Variants in CFAP299 observed in about 807,000 individuals in gnomAD.
CFAP299 encodes cilia- and flagella-associated protein 299.
CFAP299 carries 21 observed loss-of-function variants against 27.0 expected under a neutral mutation model. The observed-to-expected ratio is 0.78, with a 90% CI of 0.55 to 1.12. The LOEUF is 1.12. Among genes scored for constraint, CFAP299 ranks in the 50% most tolerant of loss-of-function variants. The pLI, the probability that CFAP299 is intolerant of heterozygous loss-of-function variation, is 0.00. For missense variants in CFAP299, 310 were observed against 276.6 expected (o/e 1.12, Z -0.86); for synonymous variants, 104 against 98.1 (o/e 1.06, Z -0.36).
intron 3 of CFAP299, among the ~76,000 whole-genome samples, chr4:80,611,066 G>A (rs551977040): frequency 6.6e-6 from 1 of 152,176 alleles, no homozygotes; most frequent in African/African-American, 2.4e-5. Flanking sequence ...AGACAGTCAT[G>A]TTATTCCTGT....
At chr4:80,778,418 G>A (rs989331739) in intron 3 of CFAP299, among the ~76,000 whole-genome samples, 25 of 152,254 alleles carry the variant, frequency 1.6e-4, no homozygotes, top group South Asian at 4.1e-4. Context: ...CCCTCAACTA[G>A]ATGTTATTGT....
intron 1 of CFAP299, among the ~76,000 whole-genome samples, chr4:80,358,849 G>C (rs1371618540): frequency 1.3e-5 from 2 of 152,120 alleles, no homozygotes; most frequent in African/African-American, 2.4e-5. Flanking sequence ...GTGTGGATTT[G>C]ATCCTGTCAC....
chr4:80,384,666 G>A (rs1460416267), intron 2 of CFAP299, among the ~76,000 whole-genome samples: 2 of 151,888 alleles, frequency 1.3e-5, no homozygotes, highest in Non-Finnish European at 2.9e-5. Context: ...ATTGAAGGAA[G>A]GAAGGAAATT....
At chr4:80,339,921 A>G (rs1000415080) in intron 1 of CFAP299, among the ~76,000 whole-genome samples, 8 of 152,236 alleles carry the variant, frequency 5.3e-5, no homozygotes, top group Non-Finnish European at 1.2e-4. Context: ...ATTATTTAAA[A>G]TGTCTCTGAC....
intron 2 of CFAP299, among the ~76,000 whole-genome samples, chr4:80,525,089 C>G (rs1044853063): frequency 6.6e-6 from 1 of 152,158 alleles, no homozygotes; most frequent in East Asian, 1.9e-4. Flanking sequence ...CAGTTTACAA[C>G]ATGACATTTG....
intron 4 of CFAP299, among the ~76,000 whole-genome samples, chr4:80,905,778 C>A (rs990494921): frequency 6.6e-6 from 1 of 152,136 alleles, no homozygotes; most frequent in Admixed American, 6.5e-5. Context: ...ATCACAAGAA[C>A]AGCATGGGGA....
intron 3 of CFAP299, among the ~76,000 whole-genome samples, chr4:80,740,916 C>T (rs375381813): frequency 2.0e-5 from 3 of 152,066 alleles, no homozygotes; most frequent in Admixed American, 2.0e-4. Context: ...TGCTGCCAGG[C>T]GTGGGACCCA....
intron 4 of CFAP299, among the ~76,000 whole-genome samples, chr4:80,920,792 C>A (rs1247843595): frequency 1.3e-5 from 2 of 151,988 alleles, no homozygotes; most frequent in African/African-American, 4.8e-5. Context: ...AGGGAGAGTT[C>A]AGATGTGGAT....
intron 2 of CFAP299, among the ~76,000 whole-genome samples, chr4:80,550,777 AC>A (rs1734471639): frequency 6.6e-6 from 1 of 151,738 alleles, no homozygotes; most frequent in South Asian, 2.1e-4. Context: ...ACACACACAC[AC>A]ACACACGCAC....
intron 3 of CFAP299, among the ~76,000 whole-genome samples, chr4:80,629,343 G>C (rs916556072): frequency 5.3e-5 from 8 of 152,032 alleles, no homozygotes; most frequent in African/African-American, 1.9e-4. Context: ...GTTGGTCAAA[G>C]AATATAAAAT....
intron 2 of CFAP299, among the ~76,000 whole-genome samples, chr4:80,567,183 T>TCTAACAATTGAAATCTTTCCCAGAGATG (rs1210918782): frequency 6.0e-4 from 92 of 152,210 alleles, no homozygotes; most frequent in Non-Finnish European, 8.5e-4. Flanking sequence ...TCTGTGTGCC[T>TCTAACAATTGAAATCTTTCCCAGAGATG]CTAACAATTG....
intron 3 of CFAP299, among the ~76,000 whole-genome samples, chr4:80,858,886 G>C (rs1411360607): frequency 6.6e-6 from 1 of 152,164 alleles, no homozygotes; most frequent in Non-Finnish European, 1.5e-5. Flanking sequence ...TGTATATTCT[G>C]TTGATTTGGG....
At chr4:80,803,000 C>T (rs934762626) in intron 3 of CFAP299, among the ~76,000 whole-genome samples, 2 of 151,990 alleles carry the variant, frequency 1.3e-5, no homozygotes, top group Admixed American at 1.3e-4. Context: ...AAACATCATG[C>T]AATAGAATAA....
chr4:80,603,265 CAGA>C (rs1437494164), intron 3 of CFAP299, among the ~76,000 whole-genome samples: 1 of 152,008 alleles, frequency 6.6e-6, no homozygotes, highest in Non-Finnish European at 1.5e-5. Context: ...GAAAAATAAG[CAGA>C]AGGATGAATG....
At chr4:80,408,166 C>T (rs141993171) in intron 2 of CFAP299, among the ~76,000 whole-genome samples, 3,043 of 152,300 alleles carry the variant, frequency 0.02, 55 homozygotes, top group Admixed American at 0.061. Context: ...CACTGGAATA[C>T]ATCAGCTGTA....
intron 4 of CFAP299, among the ~76,000 whole-genome samples, chr4:80,906,451 A>G (rs528245969): frequency 1.3e-5 from 2 of 152,164 alleles, no homozygotes; most frequent in Non-Finnish European, 2.9e-5. Context: ...CTCTTCTCAC[A>G]GCTCCACTAG....
chr4:80,677,326 A>G (rs541001168), intron 3 of CFAP299, among the ~76,000 whole-genome samples: 1 of 152,106 alleles, frequency 6.6e-6, no homozygotes, highest in South Asian at 2.1e-4. Context: ...GATATGATTT[A>G]TGCTTTTGAC....
rs562878222 is a variant in CFAP299, at chr4:80,907,276, G to A, written c.476+37141G>A. Among the ~76,000 whole-genome samples the A allele has an allele frequency of 2.6e-5, 4 of 152,238 alleles. No homozygotes were observed. In the East Asian group the frequency reaches 7.7e-4, roughly 29 times the overall value. Reference sequence around the variant, plus strand: ...TGTCCATATCACTATCAGCATTTTGGTCAAAACCATTCAACAAGTCTCCAG... The same window carrying A: ...TGTCCATATCACTATCAGCATTTTGATCAAAACCATTCAACAAGTCTCCAG... On this transcript the variant is annotated intron_variant, in intron 4 of 5. Transcript: ENST00000358105.
At chr4:80,537,276 T>C (rs1733790175) in intron 2 of CFAP299, among the ~76,000 whole-genome samples, 1 of 152,096 alleles carries the variant, frequency 6.6e-6, no homozygotes, top group African/African-American at 2.4e-5. Context: ...AAAAATATTA[T>C]AGAGGTTCCT....
Sources: gnomAD v4.1 joint callset for allele counts (sites outside exome capture counted in the v4.1 genomes callset) on GRCh38, gnomAD v4.1.1 for gene constraint, MANE v1.5 for transcripts, NCBI Gene and HGNC (gene_info 2026-07-23, HGNC 2026-07-21) for gene names.